The following DOCK5 variants were observed in gnomAD, a reference collection of about 807,000 sequenced individuals.
The protein encoded by DOCK5 is dedicator of cytokinesis 5.
In DOCK5, 142 loss-of-function variants were observed where a neutral mutation model predicts 251.8. The observed-to-expected ratio is 0.56, with a 90% confidence interval of 0.49 to 0.65. DOCK5 has a LOEUF of 0.65. Ranked by LOEUF, DOCK5 falls within the 30% of genes least tolerant of loss-of-function variation. The probability of loss-of-function intolerance (pLI) is 0.00; values close to 1 mark genes in which losing one functional copy is unlikely to be tolerated. For missense variants in DOCK5, 2,111 were observed against 2,312.3 expected (o/e 0.91, Z 1.79); for synonymous variants, 842 against 835.5 (o/e 1.01, Z -0.13).
At chr8:25,377,804 T>G (rs1164681095) in intron 38 of DOCK5, among the ~76,000 whole-genome samples, 1 of 152,216 alleles carries the variant, frequency 6.6e-6, no homozygotes, top group Non-Finnish European at 1.5e-5. Context: ...GTGGGGCTTC[T>G]GTGTCTTCCC....
rs1478691291 is a variant in DOCK5, at chr8:25,403,566, C to T, written c.4935C>T (p.Asn1645=). The part of the protein sequence containing the change: ...KHYGVITLPP[N]LTERKQSRTG... The stretch of plus-strand genomic sequence containing the variant: ...GAGTCATATGTTTTCAGCCACCCAA[C>T]TTGACGGAGAGGAAGCAAAGCCGCA... Residue 1645 remains asparagine (N), a synonymous_variant, in exon 48 of 52, where the codon AAC becomes AAT. Coordinates refer to ENST00000276440, the MANE Select transcript of DOCK5 (RefSeq NM_024940.8). 2.5e-6 allele frequency: 4 copies of T among 1,613,794 alleles called. No individual in the cohort carries two copies. The highest frequency in any genetic ancestry group is 2.5e-6 in the Non-Finnish European group (3 of 1,179,784).
chr8:25,332,341 T>G lies in DOCK5; in HGVS notation c.1994T>G (p.Ile665Ser), dbSNP rs1363476365. Residue 665 changes from isoleucine to serine, a missense_variant, in exon 19 of 52, where the codon ATT becomes AGT. Ile to Ser is a moderately radical substitution (Grantham distance 142). Coordinates refer to ENST00000276440, the MANE Select transcript of DOCK5 (RefSeq NM_024940.8). ...TTAATGGAAGTGGATGGAGGAGAGA[T>G]TGTTAAGGTATGTTTATATATTCAT... ...KKLMEVDGGE[I>S]VKFLQDTLDA... 1 of 1,612,378 alleles carries G rather than the reference T, an allele frequency of 6.2e-7. No homozygotes were observed. The highest frequency in any genetic ancestry group is 1.7e-5 in the Admixed American group (1 of 59,970).
rs1206485671 is a variant in DOCK5 at position 25,407,910 on chromosome 8, G to A, written c.5094-73G>A. The A allele has an allele frequency of 3.5e-6, 5 of 1,422,572 alleles. No homozygotes were observed. The Admixed American group carries it at 1.3e-4, about 36-fold the overall frequency. 88.1% of individuals were successfully genotyped at this position (1,422,572 alleles called of 1,614,324 possible). ...AATAGCCTAAAGAGTCATAACTGCT[G>A]GTACTTTCATAGTGAATTTTGATTG... On this transcript the variant is annotated intron_variant, in intron 48 of 51. Transcript: ENST00000276440.
intron 24 of DOCK5, 68 bp from the exon 25 acceptor site, chr8:25,342,333 A>G: frequency 7.9e-7 from 1 of 1,269,782 alleles, no homozygotes; most frequent in Admixed American, 2.1e-5. Context: ...GTGGAGGAGA[A>G]AAGTTTATAA....
intron 2 of DOCK5, among the ~76,000 whole-genome samples, chr8:25,263,396 T>C (rs1803643988): frequency 6.6e-6 from 1 of 151,918 alleles, no homozygotes; most frequent in South Asian, 2.1e-4. Context: ...CTGATCCACA[T>C]GTATAAAAAG....
chr8:25,284,555 C>T (rs1157631119), intron 5 of DOCK5, among the ~76,000 whole-genome samples: 1 of 152,194 alleles, frequency 6.6e-6, no homozygotes, highest in African/African-American at 2.4e-5. Flanking sequence ...TTTCTATCCA[C>T]TATTCTTCCC....
chr8:25,194,742 C>G (rs1801676870), intron 1 of DOCK5, among the ~76,000 whole-genome samples: 2 of 152,176 alleles, frequency 1.3e-5, no homozygotes, highest in Non-Finnish European at 2.9e-5. Context: ...ACCGCACTTT[C>G]CCCAGTTTCT....
chr8:25,333,724 A>G (rs1333713868), intron 20 of DOCK5, among the ~76,000 whole-genome samples: 2 of 152,170 alleles, frequency 1.3e-5, no homozygotes, highest in African/African-American at 4.8e-5. Flanking sequence ...GAAAAATGTC[A>G]TGGAATGTTT....
chr8:25,228,418 G>A lies in DOCK5; in HGVS notation c.44-15256G>A, dbSNP rs540004365. Among the ~76,000 whole-genome samples, 3 of 152,340 alleles carry A rather than the reference G, an allele frequency of 2.0e-5. No homozygotes were observed. In the East Asian group the frequency reaches 5.8e-4, roughly 29 times the overall value. ...AAGGGTGAGCCAGTGGTGTTAAACA[G>A]TGACTTTGATTGAAGTGGCAGTGTA... is the stretch of plus-strand genomic sequence containing the variant. On this transcript the variant is annotated intron_variant, in intron 1 of 51. Coordinates refer to ENST00000276440, the MANE Select transcript of DOCK5 (RefSeq NM_024940.8).
chr8:25,357,720 T>C (rs1800603050), intron 27 of DOCK5, among the ~76,000 whole-genome samples: 1 of 152,188 alleles, frequency 6.6e-6, no homozygotes, highest in Non-Finnish European at 1.5e-5. Context: ...GTCTAAGGCA[T>C]ACGTTCAGAA....
chr8:25,291,238 C>T (rs1804476762), intron 5 of DOCK5, among the ~76,000 whole-genome samples: 1 of 152,074 alleles, frequency 6.6e-6, no homozygotes, highest in African/African-American at 2.4e-5. Flanking sequence ...GAGTATGACC[C>T]ACTGTTTACC....
chr8:25,406,104 G>A (rs543344732), intron 48 of DOCK5, among the ~76,000 whole-genome samples: 23 of 152,110 alleles, frequency 1.5e-4, no homozygotes, highest in African/African-American at 5.3e-4. Flanking sequence ...GACTACAGGC[G>A]CCCGCCACCA....
intron 27 of DOCK5, among the ~76,000 whole-genome samples, chr8:25,354,058 A>AC (rs1563213102): frequency 7.4e-6 from 1 of 134,244 alleles, no homozygotes; most frequent in African/African-American, 2.6e-5. Context: ...ACAAACAAAA[A>AC]AAAAAACGTA....
chr8:25,220,585 GA>G (rs1401598374), intron 1 of DOCK5, among the ~76,000 whole-genome samples: 3 of 152,064 alleles, frequency 2.0e-5, no homozygotes, highest in Non-Finnish European at 4.4e-5. Context: ...GGGTGTCCCT[GA>G]GGCCGGAACA....
At chr8:25,187,248 C>CATATATACGTATATATATATAT (rs1801453396) in intron 1 of DOCK5, among the ~76,000 whole-genome samples, 1 of 144,268 alleles carries the variant, frequency 6.9e-6, no homozygotes, top group African/African-American at 2.6e-5. Context: ...TATATATACA[C>CATATATACGTATATATATATAT]ACACACACAC....
intron 4 of DOCK5, chr8:25,276,846 G>C (rs2666156): frequency 0.68 from 102,975 of 151,950 alleles, 37,446 homozygotes; most frequent in Non-Finnish European, 0.82. Context: ...CCTCATCTTT[G>C]GACCCATACA....
intron 38 of DOCK5, among the ~76,000 whole-genome samples, chr8:25,379,849 TACACACACACACACACAC>T (rs10569921): frequency 1.7e-4 from 25 of 146,816 alleles, no homozygotes; most frequent in African/African-American, 5.8e-4. Flanking sequence ...TCACTACACC[TACACACACACACACACAC>T]ACACACCCAT....
At chr8:25,328,343 G>A (rs1257675210) in intron 18 of DOCK5, among the ~76,000 whole-genome samples, 4 of 152,136 alleles carry the variant, frequency 2.6e-5, no homozygotes, top group Non-Finnish European at 5.9e-5. Context: ...CTGCGAGCAG[G>A]GAGAGGGAAC....
chr8:25,405,803 T>C (rs1801512651), intron 48 of DOCK5, among the ~76,000 whole-genome samples: 1 of 152,156 alleles, frequency 6.6e-6, no homozygotes, highest in South Asian at 2.1e-4. Flanking sequence ...GGAGTTATAG[T>C]TGTGTTCTTT....
Sources: allele counts gnomAD v4.1 joint callset (sites outside exome capture counted in the v4.1 genomes callset), GRCh38; gene constraint gnomAD v4.1.1; transcripts MANE v1.5; gene names NCBI Gene and HGNC (gene_info 2026-07-23, HGNC 2026-07-21).